The following NRXN1 variants were observed in gnomAD, a reference collection of about 807,000 sequenced individuals.
The protein encoded by NRXN1 is neurexin 1.
In NRXN1, 39 loss-of-function variants were observed where a neutral mutation model predicts 150.9. The ratio of observed to expected loss-of-function variants is 0.26; its 90% CI spans 0.20 to 0.34. The LOEUF is 0.34. NRXN1 is among the 10% of genes least tolerant of loss of function. The probability of loss-of-function intolerance (pLI) is 1.00; values close to 1 mark genes in which losing one functional copy is unlikely to be tolerated. For synonymous variants in NRXN1, 924 were observed against 757.0 expected (o/e 1.22, Z -3.62); for missense variants, 1,815 against 1,949.9 (o/e 0.93, Z 1.30).
At chr2:50,742,607 CAAA>C (rs376431319) in intron 5 of NRXN1, among the ~76,000 whole-genome samples, 2 of 69,826 alleles carry the variant, frequency 2.9e-5, no homozygotes, top group Non-Finnish European at 2.8e-5. Flanking sequence ...GACTCCGTCT[CAAA>C]AAAAAAAAAA....
chr2:50,802,395 G>A (rs1407869285), intron 5 of NRXN1, among the ~76,000 whole-genome samples: 1 of 152,080 alleles, frequency 6.6e-6, no homozygotes, highest in African/African-American at 2.4e-5. Context: ...GGGAGGCTGA[G>A]GCAGGAGAAT....
chr2:50,155,487 A>C (rs926365647), intron 18 of NRXN1, among the ~76,000 whole-genome samples: 5 of 151,612 alleles, frequency 3.3e-5, no homozygotes, highest in African/African-American at 4.8e-5. Context: ...AATGCTGACA[A>C]ATGTATACAT....
At chr2:50,187,130 T>C (rs966147326) in intron 18 of NRXN1, among the ~76,000 whole-genome samples, 8 of 152,010 alleles carry the variant, frequency 5.3e-5, no homozygotes, top group South Asian at 2.1e-4. Flanking sequence ...CCAATAAAGA[T>C]CACACCTAAA....
At chr2:50,367,448 T>C (rs1383290564) in intron 17 of NRXN1, among the ~76,000 whole-genome samples, 2 of 151,998 alleles carry the variant, frequency 1.3e-5, no homozygotes, top group Non-Finnish European at 2.9e-5. Flanking sequence ...CACTTAATTA[T>C]CAATATATCA....
chr2:50,828,185 G>C (rs1670765327), intron 5 of NRXN1, among the ~76,000 whole-genome samples: 1 of 149,480 alleles, frequency 6.7e-6, no homozygotes, highest in African/African-American at 2.5e-5. Context: ...GGGGCGGCCG[G>C]GCAGAGGCAC....
intron 5 of NRXN1, among the ~76,000 whole-genome samples, chr2:50,715,357 C>T (rs567268109): frequency 3.3e-5 from 5 of 152,080 alleles, no homozygotes; most frequent in Non-Finnish European, 7.4e-5. Context: ...CATTGGGGAA[C>T]CTTCCACTAC....
At chr2:51,005,087 C>A (rs888030654) in intron 2 of NRXN1, among the ~76,000 whole-genome samples, 1 of 151,788 alleles carries the variant, frequency 6.6e-6, no homozygotes, top group East Asian at 1.9e-4. Context: ...TTTGTTTCTG[C>A]AACTCTTGAT....
At chr2:50,282,573 G>T (rs541271570) in intron 17 of NRXN1, among the ~76,000 whole-genome samples, 83 of 152,232 alleles carry the variant, frequency 5.5e-4, no homozygotes, top group Non-Finnish European at 9.7e-4. Flanking sequence ...GATGAAGAAA[G>T]AGGTCCTAGA....
At chr2:50,354,873 A>C (rs1010832593) in intron 17 of NRXN1, among the ~76,000 whole-genome samples, 2 of 151,996 alleles carry the variant, frequency 1.3e-5, no homozygotes, top group Non-Finnish European at 2.9e-5. Context: ...CTGAATTCCA[A>C]GACACTGTCT....
rs796720076 is a variant in NRXN1, at chr2:50,984,274, CAG to C, written c.772+43226_772+43227del. On this transcript the variant is annotated intron_variant, in intron 2 of 22. Coordinates refer to ENST00000401669, the MANE Select transcript of NRXN1 (RefSeq NM_001330078.2). ...TGTTGGGATTACAGGCATGAGCCAC[CAG>C]AGTGTTCTCTGTATTAGGCTGCCCA... Among the ~76,000 whole-genome samples the C allele has an allele frequency of 7.2e-4, 109 of 150,966 alleles. 1 individual carries two copies. The highest frequency in any genetic ancestry group is 2.6e-3 in the African/African-American group (105 of 41,164).
Position 50,986,612 on chromosome 2 carries a change from T to C in NRXN1, c.772+40890A>G, listed in dbSNP as rs531719717. Among the ~76,000 whole-genome samples, 4 of 151,870 alleles carry C rather than the reference T, an allele frequency of 2.6e-5. No individual in the cohort carries two copies. In the South Asian group the frequency reaches 6.2e-4, roughly 24 times the overall value. ...AAAAGTTTTTCATTTATATTTTCCA[T>C]TTCTCCTTCCACTCATATATCGATT... On this transcript the variant is annotated intron_variant, in intron 2 of 22. Coordinates refer to ENST00000401669, the MANE Select transcript of NRXN1 (RefSeq NM_001330078.2).
chr2:50,446,969 A>G (rs1400239177), intron 17 of NRXN1, among the ~76,000 whole-genome samples: 1 of 152,170 alleles, frequency 6.6e-6, no homozygotes, highest in African/African-American at 2.4e-5. Context: ...CATGCAATTC[A>G]GGTAATGCAA....
intron 9 of NRXN1, among the ~76,000 whole-genome samples, chr2:50,539,104 T>C (rs1459451568): frequency 7.1e-6 from 1 of 141,426 alleles, no homozygotes; most frequent in Admixed American, 6.9e-5. Context: ...GTTTCACAGA[T>C]TACCTATGTC....
intron 5 of NRXN1, among the ~76,000 whole-genome samples, chr2:50,802,862 G>A (rs1707813295): frequency 6.6e-6 from 1 of 152,112 alleles, no homozygotes; most frequent in Non-Finnish European, 1.5e-5. Context: ...GCATCTGTAA[G>A]TCAAGAAATG....
At chr2:50,771,388 T>C (rs1036877304) in intron 5 of NRXN1, among the ~76,000 whole-genome samples, 2 of 152,100 alleles carry the variant, frequency 1.3e-5, no homozygotes, top group Non-Finnish European at 2.9e-5. Flanking sequence ...CTTAACAATT[T>C]GGTTGCCTAG....
chr2:50,366,755 T>C (rs192316483), intron 17 of NRXN1, among the ~76,000 whole-genome samples: 11 of 152,020 alleles, frequency 7.2e-5, no homozygotes, highest in South Asian at 4.1e-4. Context: ...CCCACGACAA[T>C]ACCAATTCTG....
At chr2:50,470,451 G>A (rs907336633) in intron 16 of NRXN1, among the ~76,000 whole-genome samples, 4 of 151,714 alleles carry the variant, frequency 2.6e-5, no homozygotes, top group Non-Finnish European at 4.4e-5. Flanking sequence ...TTATCCTCTA[G>A]TATTACTGAA....
chr2:50,677,844 A>T (rs1231029880), intron 5 of NRXN1, among the ~76,000 whole-genome samples: 1 of 152,032 alleles, frequency 6.6e-6, no homozygotes, highest in African/African-American at 2.4e-5. Context: ...GTGCATGTGG[A>T]GAGAACCACA....
chr2:50,044,751 T>C (rs1691547449), intron 21 of NRXN1, among the ~76,000 whole-genome samples: 1 of 152,102 alleles, frequency 6.6e-6, no homozygotes, highest in African/African-American at 2.4e-5. Flanking sequence ...AAATCCTGAA[T>C]TGCTAGGTAT....
Sources: allele counts gnomAD v4.1 joint callset (sites outside exome capture counted in the v4.1 genomes callset), GRCh38; gene constraint gnomAD v4.1.1; transcripts MANE v1.5; gene names NCBI Gene and HGNC (gene_info 2026-07-23, HGNC 2026-07-21).